Variants in AIMP1 observed in about 807,000 individuals in gnomAD.
AIMP1 encodes aminoacyl tRNA synthetase complex interacting multifunctional protein 1.
Under a neutral mutation model 33.1 loss-of-function variants are expected in AIMP1, and 24 were observed. That is an observed-to-expected ratio of 0.73 (90% CI 0.53 to 1.02). The LOEUF is 1.02. AIMP1 is among the 50% of genes least tolerant of loss of function. AIMP1 has a pLI of 0.00. For missense variants in AIMP1, 367 were observed against 364.8 expected, an observed-to-expected ratio of 1.01 and a Z score of -0.05; for synonymous variants, 120 against 121.5, an observed-to-expected ratio of 0.99 and a Z score of 0.08.
In AIMP1 at chr4:106,331,160, T is replaced by C. The variant is rs200319553; in HGVS notation, c.392-512T>C. Among the ~76,000 whole-genome samples, 15 of 152,344 alleles carry C rather than the reference T, an allele frequency of 9.8e-5. No homozygotes were observed. The East Asian group carries it at 2.9e-3, about 29-fold the overall frequency. On this transcript the variant is annotated intron_variant, in intron 4 of 6. Transcript: ENST00000672341. The stretch of plus-strand genomic sequence containing the variant: ...AATTGCATTCTGCTCTAGTTCATTC[T>C]GTCATTTGGGTACTGGTTGTGGTGT...
At chr4:106,320,481 A>G (rs767179210) in intron 1 of AIMP1, among the ~76,000 whole-genome samples, 1 of 152,186 alleles carries the variant, frequency 6.6e-6, no homozygotes, top group Non-Finnish European at 1.5e-5. Flanking sequence ...GGCAGACAAC[A>G]GGGAGTAGTA....
intron 6 of AIMP1, among the ~76,000 whole-genome samples, chr4:106,342,021 T>C (rs895852159): frequency 6.6e-6 from 1 of 152,194 alleles, no homozygotes; most frequent in East Asian, 1.9e-4. Context: ...CTTCATTAGG[T>C]TCATTCCTAG....
intron 1 of AIMP1, among the ~76,000 whole-genome samples, chr4:106,317,630 T>C (rs1769011572): frequency 6.6e-6 from 1 of 152,156 alleles, no homozygotes; most frequent in African/African-American, 2.4e-5. Context: ...TGTAAGAGTA[T>C]TATAGATGAC....
intron 1 of AIMP1, among the ~76,000 whole-genome samples, chr4:106,317,301 C>T (rs890853981): frequency 2.0e-5 from 3 of 152,160 alleles, no homozygotes; most frequent in African/African-American, 7.2e-5. Flanking sequence ...GCAAGGAGGC[C>T]TGTAGGGCAG....
At chr4:106,335,995 TTGCATGA>T (rs1180542224) in intron 5 of AIMP1, among the ~76,000 whole-genome samples, 1 of 151,238 alleles carries the variant, frequency 6.6e-6, no homozygotes, top group Non-Finnish European at 1.5e-5. Context: ...TACATGTTAG[TTGCATGA>T]TGCATGATGC....
chr4:106,321,551 GC>G (rs998785642), intron 1 of AIMP1: 6 of 152,628 alleles, frequency 3.9e-5, no homozygotes, highest in African/African-American at 7.4e-5. Flanking sequence ...TCCGCTTTCC[GC>G]CCGGCAGCGG....
rs930424146 is a variant in AIMP1, at chr4:106,324,837, G to C, written c.-25-148G>C. The stretch of plus-strand genomic sequence containing the variant: ...AACATTTCTGCTATTTGTTTGGCTT[G>C]TTGCTCTCCATAGGAAAACTATTTT... On this transcript the variant is annotated intron_variant, in intron 1 of 6. Coordinates refer to ENST00000672341, the MANE Select transcript of AIMP1 (RefSeq NM_001142416.2). 3 of 547,286 alleles carry C rather than the reference G, an allele frequency of 5.5e-6. No individual in the cohort carries two copies. In the African/African-American group the frequency reaches 5.9e-5, roughly 11 times the overall value. The allele number at this position is 547,286 out of a possible 1,614,324, so 33.9% of individuals were successfully genotyped here. A position where few individuals can be genotyped will look rare whatever the true frequency, so the allele number is the denominator to read the frequency against.
intron 6 of AIMP1, 119 bp downstream of exon 6, chr4:106,337,156 A>G (rs1206762623): frequency 1.1e-6 from 1 of 900,348 alleles, no homozygotes; most frequent in Non-Finnish European, 1.8e-6. Flanking sequence ...ATTAATGACC[A>G]TTATTAACTA....
intron 6 of AIMP1, among the ~76,000 whole-genome samples, chr4:106,339,833 T>A (rs1157014261): frequency 6.6e-6 from 1 of 152,216 alleles, no homozygotes; most frequent in Non-Finnish European, 1.5e-5. Context: ...TACTTGCATA[T>A]GTTTTTACTC....
chr4:106,323,655 A>G (rs1769355032), intron 1 of AIMP1, among the ~76,000 whole-genome samples: 1 of 151,836 alleles, frequency 6.6e-6, no homozygotes, highest in African/African-American at 2.4e-5. Context: ...TCCTGAGTAC[A>G]GCATTTCTTT....
chr4:106,332,694 G>A (rs780861322), intron 5 of AIMP1, among the ~76,000 whole-genome samples: 3 of 148,940 alleles, frequency 2.0e-5, no homozygotes, highest in Non-Finnish European at 4.5e-5. Flanking sequence ...TTATACATCT[G>A]TCTATATAGA....
At chr4:106,341,733 G>C (rs565136355) in intron 6 of AIMP1, among the ~76,000 whole-genome samples, 3 of 152,014 alleles carry the variant, frequency 2.0e-5, no homozygotes, top group Admixed American at 6.5e-5. Context: ...GATGCCTCCA[G>C]TTATGTTCTT....
At chr4:106,332,176 G>C (rs959365679) in intron 5 of AIMP1, among the ~76,000 whole-genome samples, 1 of 151,522 alleles carries the variant, frequency 6.6e-6, no homozygotes, top group African/African-American at 2.4e-5. Flanking sequence ...AAAACTATTG[G>C]TGTGTATATA....
intron 5 of AIMP1, among the ~76,000 whole-genome samples, chr4:106,333,862 A>G (rs976370010): frequency 6.6e-6 from 1 of 152,156 alleles, no homozygotes; most frequent in Non-Finnish European, 1.5e-5. Context: ...TAAGCTTTCA[A>G]ACCTCCTTCT....
intron 1 of AIMP1, among the ~76,000 whole-genome samples, chr4:106,323,617 A>C (rs1042271005): frequency 1.3e-5 from 2 of 151,882 alleles, no homozygotes; most frequent in South Asian, 2.1e-4. Flanking sequence ...AAAAAAAAAA[A>C]AAAACTATGC....
At chr4:106,322,871 C>T (rs1769316543) in intron 1 of AIMP1, among the ~76,000 whole-genome samples, 1 of 151,532 alleles carries the variant, frequency 6.6e-6, no homozygotes, top group Admixed American at 6.6e-5. Context: ...GTAATCCCGG[C>T]TATTTGGGAG....
intron 6 of AIMP1, among the ~76,000 whole-genome samples, chr4:106,346,902 C>T (rs1016005794): frequency 8.5e-5 from 13 of 152,114 alleles, no homozygotes; most frequent in African/African-American, 3.1e-4. Flanking sequence ...TTAATTGGCT[C>T]ATGGTTCAGC....
chr4:106,344,551 A>C (rs1770222167), intron 6 of AIMP1, among the ~76,000 whole-genome samples: 1 of 152,196 alleles, frequency 6.6e-6, no homozygotes. Flanking sequence ...TATTTACAGA[A>C]GTCTTCTAAC....
intron 6 of AIMP1, among the ~76,000 whole-genome samples, chr4:106,346,641 T>G (rs1011573248): frequency 2.0e-5 from 3 of 152,250 alleles, no homozygotes; most frequent in Admixed American, 2.0e-4. Context: ...AAACCCAAAA[T>G]TTAAGCCATT....
Sources: allele counts gnomAD v4.1 joint callset (sites outside exome capture counted in the v4.1 genomes callset), GRCh38; gene constraint gnomAD v4.1.1; transcripts MANE v1.5; gene names NCBI Gene and HGNC (gene_info 2026-07-23, HGNC 2026-07-21).